MRC2: variants seen among roughly 807,000 people sequenced by gnomAD.
MRC2 encodes C-type mannose receptor 2.
In MRC2, 84 loss-of-function variants were observed where a neutral mutation model predicts 206.2. The ratio of observed to expected loss-of-function variants is 0.41; its 90% confidence interval spans 0.34 to 0.49. The LOEUF (loss-of-function observed/expected upper bound fraction) is 0.49. Ranked by LOEUF, MRC2 falls within the 20% of genes least tolerant of loss-of-function variation. The pLI is 0.31. For missense variants in MRC2, 1,676 were observed against 2,001.5 expected (o/e 0.84, Z 3.10); for synonymous variants, 798 against 800.0 (o/e 1.00, Z 0.04).
intron 1 of MRC2, among the ~76,000 whole-genome samples, chr17:62,634,565 C>T (rs896549987): frequency 3.3e-5 from 5 of 152,242 alleles, no homozygotes; most frequent in Admixed American, 3.3e-4. Context: ...TCCCAAAGTG[C>T]TGGGATTACA....
rs768024554 is a variant in MRC2, at chr17:62,676,466, C to A, written c.1769C>A (p.Thr590Asn). Residue 590 changes from threonine to asparagine, a missense_variant, in exon 11 of 30, where the codon ACC becomes AAC. Physicochemically the swap from Thr to Asn is moderately conservative, Grantham distance 65. Coordinates refer to ENST00000303375, the MANE Select transcript of MRC2 (RefSeq NM_006039.5). ...FWTALQDLNSTGSFFWLSGDE... is the reference protein window; with the variant it reads ...FWTALQDLNSNGSFFWLSGDE... ...ACGGCCCTGCAGGACCTCAACAGCA[C>A]CGGCTCCTTCTTCTGGCTCAGTGGG... 1 of 1,613,326 alleles carries A rather than the reference C, an allele frequency of 6.2e-7. No homozygotes were observed. The highest frequency in any genetic ancestry group is 1.3e-5 in the African/African-American group (1 of 74,900).
chr17:62,668,085 C>T (rs991408576), intron 6 of MRC2, among the ~76,000 whole-genome samples: 4 of 152,056 alleles, frequency 2.6e-5, no homozygotes, highest in East Asian at 3.9e-4. Flanking sequence ...GGCCGGGCAC[C>T]GTGGCTCACA....
At position 62,689,687 on chromosome 17, in the gene MRC2, A is replaced by G; in HGVS notation, c.3500A>G (p.Tyr1167Cys). Residue 1167 changes from tyrosine (Y) to cysteine (C), a missense_variant, in exon 24 of 30, where the codon TAC (tyrosine) becomes TGC (cysteine). This residue lies in a region of MRC2 where 1,354 missense variants were observed against 1,636.6 expected (regional missense o/e 0.83). Coordinates refer to ENST00000303375, the MANE Select transcript of MRC2 (RefSeq NM_006039.5). The part of the protein sequence containing the change: ...NASLAYVPDP[Y>C]TQAFLTQAAR... ...AGCCTGGCCTACGTGCCCGACCCCT[A>G]CACCCAGGCCTTCCTCACGCAGGCT... is the stretch of plus-strand genomic sequence containing the variant. 6.3e-7 allele frequency: 1 copy of G among 1,584,198 alleles called. No homozygotes were observed.
intron 1 of MRC2, among the ~76,000 whole-genome samples, chr17:62,633,840 CAAAAAAAAAAAAAAAAAAAAAAAAAAA>C (rs571793821): frequency 5.9e-5 from 2 of 33,892 alleles, no homozygotes; most frequent in Admixed American, 6.4e-4. Context: ...GACCCTGTCT[CAAAAAAAAAAAAAAAAAAAAAAAAAAA>C]AAAAAAAAAA....
rs562490244 is a variant in MRC2, at chr17:62,691,032, C to T, written c.4096C>T (p.His1366Tyr). Residue 1366 changes from histidine (H) to tyrosine (Y), a missense_variant, in exon 28 of 30, where the codon CAC (histidine) becomes TAC (tyrosine). His to Tyr is a moderately conservative substitution (Grantham distance 83, BLOSUM62 2). Coordinates refer to ENST00000303375, the MANE Select transcript of MRC2 (RefSeq NM_006039.5). The stretch of plus-strand genomic sequence containing the variant: ...GGGCTTGGGCCCCAGCATGCTGAGC[C>T]ACAACAGCTGCTACTGGATTCAGAG... ...PPGLGPSMLS[H>Y]NSCYWIQSNS... 5 of 1,610,152 alleles carry T rather than the reference C, an allele frequency of 3.1e-6. No individual in the cohort carries two copies. The South Asian group carries it at 5.5e-5, about 18-fold the overall frequency.
At chr17:62,686,361 G>A (rs1334247224) in intron 20 of MRC2, among the ~76,000 whole-genome samples, 1 of 152,150 alleles carries the variant, frequency 6.6e-6, no homozygotes. Context: ...GCTGAGGCAG[G>A]AGAATAGCTT....
At chr17:62,660,436 G>T (rs2088667000) in intron 1 of MRC2, among the ~76,000 whole-genome samples, 2 of 152,212 alleles carry the variant, frequency 1.3e-5, no homozygotes, top group African/African-American at 2.4e-5. Flanking sequence ...AGAAACAGCA[G>T]CTGGGAGGTA....
chr17:62,664,878 G>C lies in MRC2; in HGVS notation c.449G>C (p.Gly150Ala). The C allele has an allele frequency of 6.2e-7, 1 of 1,613,652 alleles. No individual in the cohort carries two copies. ...NISKPGTLER[G>A]DQTRSGQWRI... is the part of the protein sequence containing the mutation. ...TCCAAGCCTGGCACCCTTGAGCGTG[G>C]TGACCAGACCCGCAGTGGCCAGTGG... The change falls in exon 2 of 30, where the codon GGT becomes GCT. Residue 150 changes from glycine (G) to alanine (A), a missense_variant. Around this residue, in one of 3 missense-constraint regions of MRC2, gnomAD observed 318 missense variants for 346.7 expected, o/e 0.92. Coordinates refer to ENST00000303375, the MANE Select transcript of MRC2 (RefSeq NM_006039.5). The surrounding 1 kb of genome is among the most constrained non-coding windows in gnomAD (Gnocchi z 4.7).
intron 1 of MRC2, among the ~76,000 whole-genome samples, chr17:62,646,829 T>C (rs905387954): frequency 6.6e-6 from 1 of 152,240 alleles, no homozygotes; most frequent in Non-Finnish European, 1.5e-5. Flanking sequence ...CTATCTCTTT[T>C]TAATTACCAA....
At position 62,680,529 on chromosome 17, in the gene MRC2, C is replaced by CT. The variant is rs1232990330; in HGVS notation, c.2473+77dup. The stretch of plus-strand genomic sequence containing the variant: ...AACTCTGGGGTAAGTCCCGAGAGGC[C>CT]TGAATGAAATGGAGGGGATGAGGAG... On this transcript the variant is annotated intron_variant, in intron 16 of 29. Coordinates refer to ENST00000303375, the MANE Select transcript of MRC2 (RefSeq NM_006039.5). The surrounding 1 kb of genome is among the most constrained non-coding windows in gnomAD (Gnocchi z 4.8). 1 of 1,577,986 alleles carries CT rather than the reference C, an allele frequency of 6.3e-7. No individual in the cohort carries two copies. Among genetic ancestry groups the CT allele is most frequent in the African/African-American group, 1.3e-5 (1 of 74,224 alleles).
At chr17:62,690,112 C>T in intron 25 of MRC2, 44 bp from the exon 26 acceptor site, 1 of 1,581,596 alleles carries the variant, frequency 6.3e-7, no homozygotes, top group Non-Finnish European at 8.6e-7. Context: ...GTCGGTGGCC[C>T]CGGGGAGGGT....
At chr17:62,662,004 T>C (rs2088686783) in intron 1 of MRC2, among the ~76,000 whole-genome samples, 1 of 152,150 alleles carries the variant, frequency 6.6e-6, no homozygotes, top group Admixed American at 6.5e-5. Flanking sequence ...TCCTAGCACT[T>C]TGGGAGTCTG....
intron 1 of MRC2, among the ~76,000 whole-genome samples, chr17:62,632,081 G>A (rs1308499190): frequency 6.6e-6 from 1 of 152,136 alleles, no homozygotes; most frequent in South Asian, 2.1e-4. Flanking sequence ...GGGTGGGCCA[G>A]TGGGGTGGTG....
In MRC2 at chr17:62,680,519, C is replaced by A; in HGVS notation, c.2473+66C>A. The A allele has an allele frequency of 3.8e-6, 6 of 1,591,758 alleles. No homozygotes were observed. The highest frequency in any genetic ancestry group is 1.1e-5 in the South Asian group (1 of 90,186). ...AGAGGGCGTCAACTCTGGGGTAAGT[C>A]CCGAGAGGCCTGAATGAAATGGAGG... On this transcript the variant is annotated intron_variant, in intron 16 of 29. Transcript: ENST00000303375. This position sits in a 1 kb window ranked among gnomAD's most constrained non-coding sequence, Gnocchi z 4.8.
At chr17:62,674,746 G>T (rs906162665) in intron 9 of MRC2, among the ~76,000 whole-genome samples, 3 of 151,986 alleles carry the variant, frequency 2.0e-5, no homozygotes, top group African/African-American at 7.3e-5. Context: ...TGAGTGGGGG[G>T]TGAGTGACTG....
intron 6 of MRC2, among the ~76,000 whole-genome samples, chr17:62,669,845 G>A (rs2088806091): frequency 6.6e-6 from 1 of 152,212 alleles, no homozygotes; most frequent in African/African-American, 2.4e-5. Context: ...CGTGAGCCAC[G>A]GCTCTGGCCT....
intron 8 of MRC2, 44 bp from the exon 9 acceptor site, chr17:62,674,019 T>C (rs898578261): frequency 1.4e-6 from 2 of 1,420,402 alleles, no homozygotes; most frequent in African/African-American, 2.8e-5. Context: ...GGGAGATTTA[T>C]GGGGAGGTGG....
At chr17:62,650,479 A>G (rs2088543128) in intron 1 of MRC2, among the ~76,000 whole-genome samples, 1 of 152,122 alleles carries the variant, frequency 6.6e-6, no homozygotes, top group Non-Finnish European at 1.5e-5. Flanking sequence ...GCCAAACACA[A>G]CTTGCCTGTG....
rs1287019927 is a variant in MRC2, at chr17:62,692,310, C to T, written c.4299C>T (p.Leu1433=). ...LLLLALLTAA[L]ILYRRRQSIE... ...TCCTGGCCTTGCTGACCGCAGCCCT[C>T]ATCCTTTACCGGAGGCGCCAGAGCA... Residue 1433 remains leucine, a synonymous_variant, in exon 30 of 30, where the codon CTC becomes CTT. Coordinates refer to ENST00000303375, the MANE Select transcript of MRC2 (RefSeq NM_006039.5). This position sits in a 1 kb window ranked among gnomAD's most constrained non-coding sequence, Gnocchi z 4.2. 1.3e-6 allele frequency: 2 copies of T among 1,590,116 alleles called. No homozygotes were observed. The highest frequency in any genetic ancestry group is 3.6e-5 in the Admixed American group (2 of 55,806).
Sources: allele counts gnomAD v4.1 joint callset (sites outside exome capture counted in the v4.1 genomes callset), GRCh38; gene constraint gnomAD v4.1.1; regional missense constraint gnomAD v4.1.1; non-coding constraint Gnocchi (gnomAD v3.1); transcripts MANE v1.5; gene names NCBI Gene and HGNC (gene_info 2026-07-23, HGNC 2026-07-21).